The following EDARADD variants were observed in gnomAD, a reference collection of about 807,000 sequenced individuals.
The protein encoded by EDARADD is EDAR associated via death domain.
In EDARADD, 20 loss-of-function variants were observed where a neutral mutation model predicts 25.6. The observed-to-expected ratio is 0.78, with a 90% CI of 0.55 to 1.14. The LOEUF (loss-of-function observed/expected upper bound fraction) is 1.14. Among genes scored for constraint, EDARADD ranks in the 50% most tolerant of loss-of-function variants. EDARADD has a pLI of 0.00. For synonymous variants in EDARADD, 86 were observed against 94.4 expected, an observed-to-expected ratio of 0.91 and a Z score of 0.52; for missense variants, 225 against 270.1, an observed-to-expected ratio of 0.83 and a Z score of 1.17.
intron 3 of EDARADD, among the ~76,000 whole-genome samples, chr1:236,378,122 G>A (rs533366566): frequency 2.6e-5 from 4 of 152,228 alleles, no homozygotes; most frequent in Non-Finnish European, 5.9e-5. Context: ...CTTTAGGTGG[G>A]ATCTGATGGT....
chr1:236,392,491 A>ATTT (rs10649367), upstream of EDARADD, among the ~76,000 whole-genome samples: 2,584 of 139,588 alleles, frequency 0.019, 109 homozygotes, highest in African/African-American at 0.056. Flanking sequence ...TGCTCAGCTA[A>ATTT]TTTTTTTTTT....
chr1:236,429,714 G>C (rs1256647638), intron 4 of EDARADD, among the ~76,000 whole-genome samples: 2 of 152,118 alleles, frequency 1.3e-5, no homozygotes, highest in East Asian at 3.9e-4. Flanking sequence ...AGTTCAAGTT[G>C]TGCAAAAAAG....
rs760506554 is a variant in EDARADD, at chr1:236,409,284, A to G, written c.120+10A>G. On this transcript the variant is annotated intron_variant, in intron 2 of 5. Transcript: ENST00000334232. ...TTTATCCTTTAATATGGTAGGTGAC[A>G]AATTTTACACTAATGGTGATAATTA... is the stretch of plus-strand genomic sequence containing the variant. 17 of 1,601,112 alleles carry G rather than the reference A, an allele frequency of 1.1e-5. No homozygotes were observed. In the Admixed American group the frequency reaches 2.8e-4, roughly 27 times the overall value.
chr1:236,456,657 ACAAACCCT>A (rs1170856084), intron 4 of EDARADD, among the ~76,000 whole-genome samples: 3 of 151,826 alleles, frequency 2.0e-5, no homozygotes, highest in African/African-American at 7.3e-5. Flanking sequence ...ACCGCTGGGA[ACAAACCCT>A]CTACCCGCGA....
At position 236,482,727 on chromosome 1, in the gene EDARADD, T is replaced by C; in HGVS notation, c.*78T>C. The C allele has an allele frequency of 6.3e-7, 1 of 1,595,904 alleles. No individual in the cohort carries two copies. The highest frequency in any genetic ancestry group is 8.5e-7 in the Non-Finnish European group (1 of 1,176,058). Reference sequence around the variant, plus strand: ...CAAGAAGGAATGTGAATCTGTTGTTTTATAAGAGTTTAGGACAAGGACGTG... The same window carrying C: ...CAAGAAGGAATGTGAATCTGTTGTTCTATAAGAGTTTAGGACAAGGACGTG... On this transcript the variant is annotated 3_prime_UTR_variant, in exon 6 of 6. Coordinates refer to ENST00000334232, the MANE Select transcript of EDARADD (RefSeq NM_145861.4).
In EDARADD at chr1:236,352,983, C is replaced by T. The variant is rs10925106; in HGVS notation, c.-6+2144C>T. On this transcript the variant is annotated intron_variant, in intron 3 of 7. Coordinates refer to the EDARADD transcript ENST00000439430. ...TATGACCATGCCATGGCACTTGAGC[C>T]TGGGCAACAGAGCAAGACTCCGTCT... Among the ~76,000 whole-genome samples, 950 of 151,610 alleles carry T rather than the reference C, an allele frequency of 6.3e-3. 11 individuals carry two copies. The highest frequency in any genetic ancestry group is 0.022 in the African/African-American group (891 of 41,344).
intron 3 of EDARADD, among the ~76,000 whole-genome samples, chr1:236,387,958 C>T (rs1667375932): frequency 2.7e-4 from 1 of 3,652 alleles, no homozygotes; most frequent in Admixed American, 6.1e-3. Context: ...ATGACCCTGC[C>T]AAATCCCCCT....
Position 236,483,530 on chromosome 1 carries a change from TG to T in EDARADD, c.*882del, listed in dbSNP as rs1372814453. 18 of 1,077,050 alleles carry T rather than the reference TG, an allele frequency of 1.7e-5. No homozygotes were observed. In the East Asian group the frequency reaches 4.3e-4, roughly 25 times the overall value. 66.7% of individuals were successfully genotyped at this position (1,077,050 alleles called of 1,614,324 possible). A position where few individuals can be genotyped will look rare whatever the true frequency, so the allele number is the denominator to read the frequency against. On this transcript the variant is annotated 3_prime_UTR_variant, in exon 6 of 6. Coordinates refer to ENST00000334232, the MANE Select transcript of EDARADD (RefSeq NM_145861.4). Reference sequence around the variant, plus strand: ...TGTCCCTCGCTGCCTGCAAAGCTAGTGCTGTTGAGAAGGGGGTTCCCCTGTA... The same window carrying T: ...TGTCCCTCGCTGCCTGCAAAGCTAGTCTGTTGAGAAGGGGGTTCCCCTGTA...
intron 4 of EDARADD, among the ~76,000 whole-genome samples, chr1:236,442,325 C>T (rs1467009311): frequency 6.6e-6 from 1 of 152,136 alleles, no homozygotes; most frequent in African/African-American, 2.4e-5. Context: ...AGGGTCTCAC[C>T]ATGTTGGCCA....
intron 3 of EDARADD, among the ~76,000 whole-genome samples, chr1:236,351,699 ACT>A (rs1045124290): frequency 8.1e-4 from 86 of 106,204 alleles, no homozygotes; most frequent in Admixed American, 1.2e-3. Flanking sequence ...ACAGAGCGAG[ACT>A]CTGTCTCAAA....
At chr1:236,468,096 C>T in intron 4 of EDARADD, 135 bp from the exon 5 acceptor site, 2 of 804,380 alleles carry the variant, frequency 2.5e-6, no homozygotes, top group Non-Finnish European at 4.4e-6. Context: ...ATTAAAATGC[C>T]ATTCTCAAGA....
At position 236,383,892 on chromosome 1, in the gene EDARADD, C is replaced by T. The variant is rs141074171; in HGVS notation, c.-5-25324C>T. Reference sequence around the variant, plus strand: ...TGGCACATGTTTGTGGTCCCAGCTACTCAGGAGGCTGAGATGGGAGGATCA... The same window carrying T: ...TGGCACATGTTTGTGGTCCCAGCTATTCAGGAGGCTGAGATGGGAGGATCA... On this transcript the variant is annotated intron_variant, in intron 3 of 7. Transcript: ENST00000439430. Among the ~76,000 whole-genome samples, 28 of 152,186 alleles carry T rather than the reference C, an allele frequency of 1.8e-4. 1 individual carries two copies. Among genetic ancestry groups the T allele is most frequent in the African/African-American group, 6.3e-4 (26 of 41,536 alleles).
At position 236,361,872 on chromosome 1, in the gene EDARADD, G is replaced by A. The variant is rs149550862; in HGVS notation, c.-6+11033G>A. 7.9e-3 allele frequency among the ~76,000 whole-genome samples: 1,203 copies of A among 151,820 alleles called. 12 individuals are homozygous for A. The highest frequency in any genetic ancestry group is 0.027 in the African/African-American group (1,113 of 41,294). ...ATTACAAATACTTTTCTGAACATCCGTGTATACGTTTTTGTATAATTATAT... is the reference window on the plus strand; with the variant it reads ...ATTACAAATACTTTTCTGAACATCCATGTATACGTTTTTGTATAATTATAT... On this transcript the variant is annotated intron_variant, in intron 3 of 7. Coordinates refer to the EDARADD transcript ENST00000439430.
At position 236,349,767 on chromosome 1, in the gene EDARADD, G is replaced by T. The variant is rs150015505; in HGVS notation, c.-142+801G>T. The stretch of plus-strand genomic sequence containing the variant: ...CTCAAAGGGTGTCTGGCTCTTAGTT[G>T]ATTATCTCCTGGATCTGGAAAGGAA... On this transcript the variant is annotated intron_variant, in intron 2 of 7. Coordinates refer to the EDARADD transcript ENST00000439430. Among the ~76,000 whole-genome samples, 1,262 of 151,616 alleles carry T rather than the reference G, an allele frequency of 8.3e-3. 18 individuals carry two copies. The highest frequency in any genetic ancestry group is 0.029 in the African/African-American group (1,196 of 41,392).
intron 3 of EDARADD, among the ~76,000 whole-genome samples, chr1:236,384,939 C>G (rs1452733508): frequency 1.3e-5 from 2 of 151,988 alleles, no homozygotes. Context: ...TTTGGATACT[C>G]ACCTTTGTTA....
intron 3 of EDARADD, among the ~76,000 whole-genome samples, chr1:236,371,760 C>T (rs530896638): frequency 8.8e-4 from 134 of 151,436 alleles, no homozygotes; most frequent in Middle Eastern, 3.4e-3. Context: ...TTAATAGAGA[C>T]GGGGTTTCTT....
At chr1:236,380,635 A>G (rs1667286744) in intron 3 of EDARADD, among the ~76,000 whole-genome samples, 1 of 152,248 alleles carries the variant, frequency 6.6e-6, no homozygotes, top group Admixed American at 6.5e-5. Flanking sequence ...CCCTTTAAGC[A>G]TTACTTTCTC....
intron 3 of EDARADD, among the ~76,000 whole-genome samples, chr1:236,424,300 G>T (rs967605489): frequency 6.6e-6 from 1 of 151,478 alleles, no homozygotes; most frequent in African/African-American, 2.4e-5. Flanking sequence ...TAGCTGGGAC[G>T]ATAGGCATGT....
Position 236,484,806 on chromosome 1 carries a change from C to T in EDARADD, c.*2157C>T, listed in dbSNP as rs958740189. The T allele has an allele frequency of 5.3e-6, 1 of 189,488 alleles. No individual in the cohort carries two copies. The highest frequency in any genetic ancestry group is 1.1e-4 in the South Asian group (1 of 8,978). 11.7% of individuals were successfully genotyped at this position (189,488 alleles called of 1,614,324 possible). On this transcript the variant is annotated 3_prime_UTR_variant, in exon 6 of 6. Transcript: ENST00000334232. The surrounding 1 kb of genome is among the most constrained non-coding windows in gnomAD (Gnocchi z 4.1). ...CAGTCATGTAATTGGCCCAAATCAC[C>T]GGAGCCACGTGACCCTCCAGTGTCA...
Sources: allele counts gnomAD v4.1 joint callset (sites outside exome capture counted in the v4.1 genomes callset), GRCh38; gene constraint gnomAD v4.1.1; non-coding constraint Gnocchi (gnomAD v3.1); transcripts MANE v1.5; gene names NCBI Gene and HGNC (gene_info 2026-07-23, HGNC 2026-07-21).